Variants in HGD observed in about 807,000 individuals in gnomAD.
HGD encodes the protein homogentisate 1,2-dioxygenase.
HGD carries 61 observed loss-of-function variants against 60.8 expected under a neutral mutation model. The ratio of observed to expected loss-of-function variants is 1.00; its 90% CI spans 0.82 to 1.24. The LOEUF (loss-of-function observed/expected upper bound fraction) is 1.24. Among genes scored for constraint, HGD ranks in the 50% most tolerant of loss-of-function variants. The pLI is 0.00. For missense variants in HGD, 542 were observed against 547.1 expected (o/e 0.99, Z 0.09); for synonymous variants, 212 against 187.7 (o/e 1.13, Z -1.06).
At chr3:120,648,648 C>T (rs1191754121) in intron 6 of HGD, among the ~76,000 whole-genome samples, 4 of 152,172 alleles carry the variant, frequency 2.6e-5, no homozygotes, top group Admixed American at 6.5e-5. Flanking sequence ...AAGCCAAAGT[C>T]GGGTAGCCTG....
intron 4 of HGD, among the ~76,000 whole-genome samples, chr3:120,658,049 G>A (rs910020552): frequency 3.9e-5 from 6 of 152,150 alleles, no homozygotes; most frequent in Non-Finnish European, 7.3e-5. Flanking sequence ...TGAAATTTGG[G>A]TAGGGACACA....
intron 4 of HGD, among the ~76,000 whole-genome samples, chr3:120,662,371 T>C (rs1707793038): frequency 6.6e-6 from 1 of 151,372 alleles, no homozygotes; most frequent in African/African-American, 2.4e-5. Context: ...CAGGTGGAGG[T>C]AGGAAAAGGA....
intron 11 of HGD, among the ~76,000 whole-genome samples, chr3:120,639,798 G>C (rs2107500029): frequency 6.6e-6 from 1 of 152,296 alleles, no homozygotes; most frequent in South Asian, 2.1e-4. Context: ...CTAAAACACA[G>C]CATTTACATC....
Position 120,675,760 on chromosome 3 carries a change from A to G in HGD, c.87+32T>C, listed in dbSNP as rs1044611182. The G allele has an allele frequency of 3.9e-6, 6 of 1,557,550 alleles. No individual in the cohort carries two copies. In the Admixed American group the frequency reaches 6.7e-5, roughly 17 times the overall value. The stretch of plus-strand genomic sequence containing the variant: ...AGCTAGTCATCCAGGAATAGGATTC[A>G]GAGCTCTTCTAAGCACTTTATTTGC... On this transcript the variant is annotated intron_variant, in intron 2 of 13. Coordinates refer to ENST00000283871, the MANE Select transcript of HGD (RefSeq NM_000187.4).
intron 1 of HGD, among the ~76,000 whole-genome samples, chr3:120,680,838 C>T (rs1002620482): frequency 3.3e-5 from 5 of 152,222 alleles, no homozygotes; most frequent in Admixed American, 6.5e-5. Context: ...TCCCTCCAGA[C>T]CCCGTCCTTC....
chr3:120,653,048 T>A (rs1171670751), intron 4 of HGD, among the ~76,000 whole-genome samples: 1 of 152,224 alleles, frequency 6.6e-6, no homozygotes, highest in African/African-American at 2.4e-5. Flanking sequence ...TTTCCTGGCA[T>A]GCCAGCCTCC....
rs370807338 is a variant in HGD at position 120,634,383 on chromosome 3, A to G, written c.1007-1055T>C. ...GTAGCAATACCATAGAGCAGGAATT[A>G]AAGAAATATAACACCTGGGCAAATT... On this transcript the variant is annotated intron_variant, in intron 12 of 13. Transcript: ENST00000283871. 2.0e-5 allele frequency among the ~76,000 whole-genome samples: 3 copies of G among 152,190 alleles called. No individual in the cohort carries two copies. In the East Asian group the frequency reaches 5.8e-4, roughly 29 times the overall value.
chr3:120,656,556 T>C (rs890613765), intron 4 of HGD, among the ~76,000 whole-genome samples: 3 of 114,176 alleles, frequency 2.6e-5, no homozygotes, highest in Non-Finnish European at 6.3e-5. Flanking sequence ...TTTTGAGATC[T>C]TTTTTTTGGG....
At chr3:120,634,282 A>C (rs1386997094) in intron 12 of HGD, among the ~76,000 whole-genome samples, 2 of 152,212 alleles carry the variant, frequency 1.3e-5, no homozygotes, top group Non-Finnish European at 1.5e-5. Context: ...CTAGAGTCAC[A>C]CAAAATTTAA....
intron 12 of HGD, chr3:120,633,553 G>T (rs1940659094): frequency 1.4e-6 from 2 of 1,471,490 alleles, no homozygotes; most frequent in South Asian, 2.4e-5. Context: ...ATTATCAGAG[G>T]TCTCGAGTTC....
intron 3 of HGD, chr3:120,674,698 G>A (rs1372423033): frequency 1.8e-6 from 1 of 559,392 alleles, no homozygotes; most frequent in Non-Finnish European, 3.3e-6. Context: ...GCTCTGTGCA[G>A]CTTTCCTTCA....
chr3:120,636,386 A>T (rs1047920303), intron 12 of HGD, among the ~76,000 whole-genome samples: 2 of 152,180 alleles, frequency 1.3e-5, no homozygotes, highest in Non-Finnish European at 2.9e-5. Flanking sequence ...CTGAGGATGG[A>T]GCCCAGTAAT....
chr3:120,634,212 T>C (rs900583072), intron 12 of HGD, among the ~76,000 whole-genome samples: 13 of 152,192 alleles, frequency 8.5e-5, no homozygotes, highest in African/African-American at 3.1e-4. Flanking sequence ...AAGAAAGTTC[T>C]TATATTAAAT....
rs774514092 is a variant in HGD, at chr3:120,652,607, T to C, written c.327A>G (p.Lys109=). ...ACTGACTTACACTCACAAAGTCTAC[T>C]TTCTTCTGAGATGCTTTTGGAATCT... ...PFEIPKASQK[K]VDFVSGLHTL... is the part of the protein sequence containing the mutation. The change falls in exon 5 of 14, where the codon AAA becomes AAG. Residue 109 remains lysine, a synonymous_variant. Coordinates refer to ENST00000283871, the MANE Select transcript of HGD (RefSeq NM_000187.4). 9 of 1,613,062 alleles carry C rather than the reference T, an allele frequency of 5.6e-6. No individual in the cohort carries two copies. Among genetic ancestry groups the C allele is most frequent in the Non-Finnish European group, 7.6e-6 (9 of 1,179,190 alleles).
At chr3:120,674,228 C>G (rs370891079) in intron 3 of HGD, among the ~76,000 whole-genome samples, 53 of 152,294 alleles carry the variant, frequency 3.5e-4, no homozygotes, top group African/African-American at 1.1e-3. Flanking sequence ...TAAATCATAA[C>G]ACTTACTGCC....
At position 120,647,870 on chromosome 3, in the gene HGD, A is replaced by G; in HGVS notation, c.469+7T>C. The G allele has an allele frequency of 6.2e-7, 1 of 1,609,690 alleles. No homozygotes were observed. Among genetic ancestry groups the G allele is most frequent in the Non-Finnish European group, 8.5e-7 (1 of 1,175,894 alleles). ...CAGTGAGGGGGTCTGAAGTCTTCAGAACTCACCAATCAAGAAGTCCCCATC... is the reference window on the plus strand; with the variant it reads ...CAGTGAGGGGGTCTGAAGTCTTCAGGACTCACCAATCAAGAAGTCCCCATC... On this transcript the variant is annotated splice_region_variant and intron_variant, in intron 7 of 13. Coordinates refer to ENST00000283871, the MANE Select transcript of HGD (RefSeq NM_000187.4).
At chr3:120,671,410 T>C (rs779286399) in intron 3 of HGD, among the ~76,000 whole-genome samples, 35 of 152,296 alleles carry the variant, frequency 2.3e-4, no homozygotes, top group Admixed American at 3.9e-4. Context: ...CTCTTTATAG[T>C]TTTTCTGTGA....
chr3:120,653,385 G>T (rs2107523167), intron 4 of HGD, among the ~76,000 whole-genome samples: 1 of 152,328 alleles, frequency 6.6e-6, no homozygotes, highest in East Asian at 1.9e-4. Context: ...CAGGCTGGCA[G>T]CTGATAAGCC....
intron 5 of HGD, among the ~76,000 whole-genome samples, chr3:120,651,232 T>C (rs1247374118): frequency 2.6e-5 from 4 of 152,138 alleles, no homozygotes; most frequent in South Asian, 4.2e-4. Context: ...GGGAGGAAGG[T>C]TGCAGCATCA....
Sources: gnomAD v4.1 joint callset for allele counts (sites outside exome capture counted in the v4.1 genomes callset) on GRCh38, gnomAD v4.1.1 for gene constraint, MANE v1.5 for transcripts, NCBI Gene and HGNC (gene_info 2026-07-23, HGNC 2026-07-21) for gene names.